The following PKNOX1 variants were observed in gnomAD, a reference collection of about 807,000 sequenced individuals.
PKNOX1 encodes the protein homeobox protein PKNOX1.
Under a neutral mutation model 51.9 loss-of-function variants are expected in PKNOX1, and 15 were observed. The ratio of observed to expected loss-of-function variants is 0.29; its 90% CI spans 0.19 to 0.45. The LOEUF is 0.45. PKNOX1 is among the 20% of genes least tolerant of loss of function. PKNOX1 has a pLI of 1.00. For missense variants in PKNOX1, 462 were observed against 547.5 expected, an observed-to-expected ratio of 0.84 and a Z score of 1.56; for synonymous variants, 219 against 211.1, an observed-to-expected ratio of 1.04 and a Z score of -0.32.
intron 4 of PKNOX1, among the ~76,000 whole-genome samples, chr21:43,011,871 T>C (rs1003525464): frequency 3.3e-5 from 5 of 152,148 alleles, no homozygotes; most frequent in African/African-American, 1.2e-4. Flanking sequence ...CAGTGCATGC[T>C]CTTTGGGTGA....
At chr21:43,016,397 C>G (rs1026594872) in intron 5 of PKNOX1, among the ~76,000 whole-genome samples, 1 of 152,184 alleles carries the variant, frequency 6.6e-6, no homozygotes, top group Non-Finnish European at 1.5e-5. Flanking sequence ...TAGTCCGTGC[C>G]GGGGTCAAGA....
intron 8 of PKNOX1, 80 bp from the exon 9 acceptor site, chr21:43,024,791 A>G: frequency 1.2e-6 from 1 of 852,634 alleles, no homozygotes; most frequent in Non-Finnish European, 2.0e-6. Context: ...ATGATTATGT[A>G]ATGCTCACAT....
At chr21:42,976,014 G>A (rs1446570293) in intron 1 of PKNOX1, among the ~76,000 whole-genome samples, 3 of 152,208 alleles carry the variant, frequency 2.0e-5, no homozygotes, top group Non-Finnish European at 1.5e-5. Flanking sequence ...TTGGAAGATG[G>A]CAGGCTGACC....
At chr21:43,005,530 T>C (rs1344576767) in intron 2 of PKNOX1, among the ~76,000 whole-genome samples, 1 of 114,196 alleles carries the variant, frequency 8.8e-6, no homozygotes, top group Non-Finnish European at 1.9e-5. Context: ...GTATTTCCAA[T>C]TGACTTTTTT....
chr21:43,024,013 C>T (rs1376322394), intron 8 of PKNOX1, among the ~76,000 whole-genome samples: 1 of 151,788 alleles, frequency 6.6e-6, no homozygotes, highest in African/African-American at 2.4e-5. Context: ...AGATTACAGG[C>T]GTGAGGCACC....
At chr21:42,977,830 C>A (rs929313163) in intron 1 of PKNOX1, among the ~76,000 whole-genome samples, 1 of 152,074 alleles carries the variant, frequency 6.6e-6, no homozygotes, top group African/African-American at 2.4e-5. Flanking sequence ...CAGGGGTGAG[C>A]TGCCGTGCCT....
At chr21:43,012,239 C>G (rs1198573079) in intron 4 of PKNOX1, among the ~76,000 whole-genome samples, 3 of 152,264 alleles carry the variant, frequency 2.0e-5, no homozygotes, top group Admixed American at 2.0e-4. Flanking sequence ...GACAAATTAC[C>G]CCAAAATGTA....
chr21:43,001,757 G>A (rs954694264), intron 1 of PKNOX1, among the ~76,000 whole-genome samples: 2 of 151,948 alleles, frequency 1.3e-5, no homozygotes, highest in African/African-American at 2.4e-5. Context: ...TCAGGAGATC[G>A]AGACCGTCCT....
In PKNOX1 at chr21:43,033,217, AG is replaced by A. The variant is rs1487401933; in HGVS notation, c.*3117del. 4 of 151,906 alleles carry A rather than the reference AG, an allele frequency of 2.6e-5. No homozygotes were observed. The highest frequency in any genetic ancestry group is 2.6e-4 in the Admixed American group (4 of 15,238). The allele number at this position is 151,906 out of a possible 1,614,324, so 9.4% of individuals were successfully genotyped here. On this transcript the variant is annotated 3_prime_UTR_variant, in exon 11 of 11. Coordinates refer to ENST00000291547, the MANE Select transcript of PKNOX1 (RefSeq NM_004571.5). ...CGCTTTGATTCCAGATAGTAAGATG[AG>A]TGGAAGTGTTTATCGAGCATGCAAA... is the stretch of plus-strand genomic sequence containing the variant.
In PKNOX1 at chr21:43,030,837, C is replaced by T. The variant is rs992987904; in HGVS notation, c.*736C>T. On this transcript the variant is annotated 3_prime_UTR_variant, in exon 11 of 11. Transcript: ENST00000291547. ...AATTGACCAAATTTAATGAACCTGC[C>T]CAAAGTTAGCTACCGTTCCATGGTT... The T allele has an allele frequency of 6.6e-6, 1 of 152,056 alleles. No individual in the cohort carries two copies. Among genetic ancestry groups the T allele is most frequent in the African/African-American group, 2.4e-5 (1 of 41,386 alleles). The allele number at this position is 152,056 out of a possible 1,614,324, so 9.4% of individuals were successfully genotyped here. A position where few individuals can be genotyped will look rare whatever the true frequency, so the allele number is the denominator to read the frequency against.
Position 43,004,334 on chromosome 21 carries a change from C to A in PKNOX1, c.-48C>A. 7.8e-7 allele frequency: 1 copy of A among 1,275,582 alleles called. No homozygotes were observed. Among genetic ancestry groups the A allele is most frequent in the Non-Finnish European group, 1.1e-6 (1 of 872,152 alleles). The allele number at this position is 1,275,582 out of a possible 1,614,324, so 79.0% of individuals were successfully genotyped here. On this transcript the variant is annotated 5_prime_UTR_variant, in exon 2 of 11. Transcript: ENST00000291547. ...CTGGTTTTGTTCTCCAGACACCATT[C>A]GCTTTTCACCCAAGATGATTTGATG...
At chr21:42,997,672 G>T (rs1176448762) in intron 1 of PKNOX1, among the ~76,000 whole-genome samples, 1 of 152,228 alleles carries the variant, frequency 6.6e-6, no homozygotes, top group African/African-American at 2.4e-5. Context: ...AGAGGGTGCT[G>T]TGTGAGGGTC....
intron 1 of PKNOX1, among the ~76,000 whole-genome samples, chr21:43,003,498 C>G (rs577384115): frequency 6.6e-6 from 1 of 152,286 alleles, no homozygotes; most frequent in African/African-American, 2.4e-5. Flanking sequence ...GTTAGCTGTT[C>G]CCTCTCTCTG....
At chr21:42,984,909 T>A (rs1285183565) in intron 1 of PKNOX1, among the ~76,000 whole-genome samples, 2 of 149,116 alleles carry the variant, frequency 1.3e-5, no homozygotes, top group Non-Finnish European at 3.0e-5. Context: ...AGGCAGTGCC[T>A]GAGAGAGGCT....
Position 43,016,999 on chromosome 21 carries a change from C to T in PKNOX1, c.614C>T (p.Thr205Met), listed in dbSNP as rs765796646. The change falls in exon 6 of 11, where the codon ACG (threonine) becomes ATG (methionine). Residue 205 changes from threonine (T) to methionine (M), a missense_variant. Coordinates refer to ENST00000291547, the MANE Select transcript of PKNOX1 (RefSeq NM_004571.5). ...ALQQGNVAMA[T>M]VAGGTVYQPV... ...CAGCAGGGAAACGTAGCCATGGCGA[C>T]GGTGGCAGGTACGATGACAGAAAAA... 1.7e-5 allele frequency: 27 copies of T among 1,610,006 alleles called. No homozygotes were observed. Among genetic ancestry groups the T allele is most frequent in the South Asian group, 7.7e-5 (7 of 91,038 alleles).
intron 5 of PKNOX1, among the ~76,000 whole-genome samples, chr21:43,014,238 G>A (rs1038692638): frequency 3.9e-5 from 6 of 151,956 alleles, no homozygotes; most frequent in Non-Finnish European, 8.8e-5. Context: ...AGCCAGGATG[G>A]TCTCGATCTC....
At chr21:43,024,026 G>A (rs1264951096) in intron 8 of PKNOX1, among the ~76,000 whole-genome samples, 3 of 151,736 alleles carry the variant, frequency 2.0e-5, no homozygotes, top group East Asian at 3.9e-4. Context: ...GAGGCACCGC[G>A]CCTGGCCCTC....
At position 43,021,416 on chromosome 21, in the gene PKNOX1, C is replaced by T; in HGVS notation, c.834C>T (p.Leu278=). The part of the protein sequence containing the change: ...KHATNVMRSW[L]FQHIGHPYPT... ...CCACGAACGTGATGCGGTCCTGGCT[C>T]TTCCAGCACATCGGGGTAAGGACGG... is the stretch of plus-strand genomic sequence containing the variant. The change falls in exon 8 of 11, where the codon CTC becomes CTT. Residue 278 remains leucine, a synonymous_variant. Transcript: ENST00000291547. This position sits in a 1 kb window ranked among gnomAD's most constrained non-coding sequence, Gnocchi z 4.6. The T allele has an allele frequency of 1.2e-6, 2 of 1,610,138 alleles. No individual in the cohort carries two copies. The highest frequency in any genetic ancestry group is 1.7e-6 in the Non-Finnish European group (2 of 1,177,738).
intron 2 of PKNOX1, among the ~76,000 whole-genome samples, chr21:43,006,016 C>G (rs192078525): frequency 6.6e-6 from 1 of 152,162 alleles, no homozygotes; most frequent in East Asian, 1.9e-4. Context: ...ATTATTTTGC[C>G]ATTTTTCCAA....
Sources: allele counts gnomAD v4.1 joint callset (sites outside exome capture counted in the v4.1 genomes callset), GRCh38; gene constraint gnomAD v4.1.1; non-coding constraint Gnocchi (gnomAD v3.1); transcripts MANE v1.5; gene names NCBI Gene and HGNC (gene_info 2026-07-23, HGNC 2026-07-21).